RBPJ: variants seen among roughly 807,000 people sequenced by gnomAD.
The protein encoded by RBPJ is recombining binding protein suppressor of hairless.
A neutral mutation model predicts 67.8 loss-of-function variants in RBPJ; 9 were observed. The ratio of observed to expected loss-of-function variants is 0.13; its 90% CI spans 0.08 to 0.23. The LOEUF (loss-of-function observed/expected upper bound fraction) is 0.23, where lower values mean the gene tolerates loss of function less well. Ranked by LOEUF, RBPJ falls within the 10% of genes least tolerant of loss-of-function variation. The pLI, the probability that RBPJ is intolerant of heterozygous loss-of-function variation, is 1.00. For missense variants in RBPJ, 305 were observed against 595.6 expected, an observed-to-expected ratio of 0.51 and a Z score of 5.08; for synonymous variants, 198 against 203.3, an observed-to-expected ratio of 0.97 and a Z score of 0.22.
chr4:26,410,047 A>G (rs1281831143), intron 3 of RBPJ: 2 of 455,262 alleles, frequency 4.4e-6, no homozygotes, highest in Non-Finnish European at 8.8e-6. Flanking sequence ...AACAGGTGTT[A>G]GTAGTAAAGG....
intron 1 of RBPJ, among the ~76,000 whole-genome samples, chr4:26,210,048 A>G (rs1375773558): frequency 3.9e-5 from 6 of 152,232 alleles, no homozygotes; most frequent in African/African-American, 1.4e-4. Flanking sequence ...AGAGTTTTAA[A>G]CAACTATTGG....
At chr4:26,267,529 C>G (rs984570580) in intron 1 of RBPJ, among the ~76,000 whole-genome samples, 1 of 152,000 alleles carries the variant, frequency 6.6e-6, no homozygotes, top group Non-Finnish European at 1.5e-5. Context: ...ACGAGGTATT[C>G]ACCTGGCAGG....
intron 1 of RBPJ, among the ~76,000 whole-genome samples, chr4:26,270,385 G>GAAAGAAAGAA (rs1720851705): frequency 1.9e-5 from 1 of 53,682 alleles, no homozygotes; most frequent in African/African-American, 6.4e-5. Flanking sequence ...AAGAAAGAAA[G>GAAAGAAAGAA]AAAGAAAGAA....
the RBPJ span, among the ~76,000 whole-genome samples, chr4:26,136,114 AC>A: frequency 6.6e-6 from 1 of 152,174 alleles, no homozygotes; most frequent in Non-Finnish European, 1.5e-5. Context: ...CTTATTCGCT[AC>A]CACAAGGACA....
the RBPJ span, among the ~76,000 whole-genome samples, chr4:26,150,837 T>C: frequency 6.6e-6 from 1 of 152,196 alleles, no homozygotes; most frequent in Admixed American, 6.5e-5. Flanking sequence ...TTTACACTAG[T>C]GAGAAAGCTC....
chr4:26,202,776 A>C (rs1394039232), intron 1 of RBPJ, among the ~76,000 whole-genome samples: 1 of 151,780 alleles, frequency 6.6e-6, no homozygotes, highest in Non-Finnish European at 1.5e-5. Flanking sequence ...GGGCATGGTG[A>C]CACGCCCCTG....
intron 1 of RBPJ, among the ~76,000 whole-genome samples, chr4:26,223,948 G>A (rs1273065227): frequency 6.6e-6 from 1 of 152,194 alleles, no homozygotes; most frequent in Non-Finnish European, 1.5e-5. Context: ...TGATTTCTCT[G>A]TGCTTAATTT....
At chr4:26,349,289 C>T (rs370458471) in intron 1 of RBPJ, among the ~76,000 whole-genome samples, 1 of 152,110 alleles carries the variant, frequency 6.6e-6, no homozygotes, top group Non-Finnish European at 1.5e-5. Flanking sequence ...CCAGGCTGGC[C>T]TCAAACTTCT....
At chr4:26,155,674 A>G in the RBPJ span, among the ~76,000 whole-genome samples, 1 of 152,114 alleles carries the variant, frequency 6.6e-6, no homozygotes, top group Non-Finnish European at 1.5e-5. Flanking sequence ...ACCTCAAGTG[A>G]TCTGCCCACC....
At position 26,275,037 on chromosome 4, in the gene RBPJ, T is replaced by C. The variant is rs530874265; in HGVS notation, c.-166-87409T>C. Among the ~76,000 whole-genome samples the C allele has an allele frequency of 7.9e-5, 12 of 152,216 alleles. No individual in the cohort carries two copies. In the South Asian group the frequency reaches 2.3e-3, roughly 29 times the overall value. On this transcript the variant is annotated intron_variant, in intron 1 of 4. Coordinates refer to the RBPJ transcript ENST00000512351. ...AGGGATTAGAAGCCATAAAGGAAGA[T>C]AGCATTCATGGGATAGGGAGATGGC...
intron 1 of RBPJ, among the ~76,000 whole-genome samples, chr4:26,210,420 C>T (rs1018901578): frequency 2.6e-5 from 4 of 152,164 alleles, no homozygotes; most frequent in African/African-American, 9.7e-5. Context: ...ATGGGGCCCA[C>T]CTGGGTGCAG....
intron 1 of RBPJ, among the ~76,000 whole-genome samples, chr4:26,248,432 T>A (rs2109232376): frequency 6.6e-6 from 1 of 152,358 alleles, no homozygotes; most frequent in Non-Finnish European, 1.5e-5. Flanking sequence ...TTTTTAAATA[T>A]GTGAAGTTCT....
At chr4:26,377,260 T>A (rs1729847543) in intron 1 of RBPJ, among the ~76,000 whole-genome samples, 1 of 152,192 alleles carries the variant, frequency 6.6e-6, no homozygotes, top group African/African-American at 2.4e-5. Context: ...ACAGAGAGTT[T>A]GAGTAAATTT....
chr4:26,306,155 C>A (rs1722232628), intron 1 of RBPJ, among the ~76,000 whole-genome samples: 1 of 152,042 alleles, frequency 6.6e-6, no homozygotes, highest in African/African-American at 2.4e-5. Context: ...GATACAGACA[C>A]TTTTACTTCC....
intron 1 of RBPJ, among the ~76,000 whole-genome samples, chr4:26,167,841 T>C (rs1431741205): frequency 3.3e-5 from 5 of 152,068 alleles, no homozygotes; most frequent in South Asian, 2.1e-4. Flanking sequence ...CAGTATGATA[T>C]TGGCTGTGGG....
intron 1 of RBPJ, among the ~76,000 whole-genome samples, chr4:26,207,571 A>G (rs1187379497): frequency 1.3e-5 from 2 of 152,172 alleles, no homozygotes; most frequent in African/African-American, 4.8e-5. Context: ...AAAGATGAGC[A>G]TTTGTTCTGG....
At chr4:26,110,640 G>A in the RBPJ span, among the ~76,000 whole-genome samples, 3 of 152,192 alleles carry the variant, frequency 2.0e-5, no homozygotes, top group Non-Finnish European at 2.9e-5. This position sits in a 1 kb window ranked among gnomAD's most constrained non-coding sequence, Gnocchi z 4.5. Flanking sequence ...AGTTCTCTTA[G>A]TGCAGGGCAT....
intron 1 of RBPJ, among the ~76,000 whole-genome samples, chr4:26,375,288 CAAAAAAAAAAA>C (rs561305108): frequency 9.7e-6 from 1 of 102,920 alleles, no homozygotes; most frequent in East Asian, 2.8e-4. Context: ...GACCCTGTCT[CAAAAAAAAAAA>C]AAAAAAAAAA....
chr4:26,126,066 T>TA, the RBPJ span, among the ~76,000 whole-genome samples: 63 of 150,698 alleles, frequency 4.2e-4, 1 homozygote, highest in East Asian at 6.4e-3. Context: ...AGAATTGCTT[T>TA]AAAAAAAAAA....
Sources: gnomAD v4.1 joint callset for allele counts (sites outside exome capture counted in the v4.1 genomes callset) on GRCh38, gnomAD v4.1.1 for gene constraint, Gnocchi (gnomAD v3.1) non-coding constraint, MANE v1.5 for transcripts, NCBI Gene and HGNC (gene_info 2026-07-23, HGNC 2026-07-21) for gene names.